Variants in COPG2 observed in about 807,000 individuals in gnomAD.
The protein encoded by COPG2 is coat protein complex I subunit gamma 2.
Under a neutral mutation model 46.3 loss-of-function variants are expected in COPG2, and 37 were observed. The ratio of observed to expected loss-of-function variants is 0.80; its 90% CI spans 0.61 to 1.05. The LOEUF is 1.05. COPG2 is among the 50% of genes least tolerant of loss of function. The pLI, the probability that COPG2 is intolerant of heterozygous loss-of-function variation, is 0.00. For synonymous variants in COPG2, 159 were observed against 129.7 expected (o/e 1.23, Z -1.53); for missense variants, 427 against 387.8 (o/e 1.10, Z -0.85).
At chr7:130,537,057 C>T (rs1233019176) in intron 20 of COPG2, among the ~76,000 whole-genome samples, 1 of 151,908 alleles carries the variant, frequency 6.6e-6, no homozygotes, top group Non-Finnish European at 1.5e-5. Context: ...TCAGGCAGGG[C>T]AGGAGAGTCA....
intron 20 of COPG2, chr7:130,547,199 A>G (rs1308623774): frequency 1.3e-5 from 2 of 152,490 alleles, no homozygotes; most frequent in African/African-American, 4.8e-5. Context: ...CTAGGCTGAG[A>G]CATGCTCTCA....
chr7:130,553,098 G>T (rs1793558699), intron 14 of COPG2, among the ~76,000 whole-genome samples: 1 of 152,188 alleles, frequency 6.6e-6, no homozygotes, highest in Non-Finnish European at 1.5e-5. Flanking sequence ...AAAAAGGCAG[G>T]ATAAGAGTAT....
chr7:130,546,589 T>C (rs1015724874), intron 20 of COPG2, among the ~76,000 whole-genome samples: 3 of 152,152 alleles, frequency 2.0e-5, no homozygotes, highest in Admixed American at 6.5e-5. Context: ...GAGGGAACAA[T>C]CTGGGATTCA....
At position 130,603,548 on chromosome 7, in the gene COPG2, C is replaced by T. The variant is rs573138811; in HGVS notation, c.737+7405G>A. On this transcript the variant is annotated intron_variant, in intron 9 of 23. Transcript: ENST00000425248. ...CAGCCTGGCGAACATGGTCACACTCCGTCTCTACTAAAAATACAAAAAATT... is the reference window on the plus strand; with the variant it reads ...CAGCCTGGCGAACATGGTCACACTCTGTCTCTACTAAAAATACAAAAAATT... Among the ~76,000 whole-genome samples, 109 of 151,764 alleles carry T rather than the reference C, an allele frequency of 7.2e-4. 1 individual carries two copies. The highest frequency in any genetic ancestry group is 1.4e-3 in the Non-Finnish European group (92 of 67,938).
chr7:130,668,591 GT>G, intron 1 of COPG2, 40 bp downstream of exon 1: 1 of 1,491,274 alleles, frequency 6.7e-7, no homozygotes, highest in South Asian at 1.3e-5. Flanking sequence ...GGGAAGGGGC[GT>G]CCCGCGGCTG....
At chr7:130,582,105 G>C (rs1554447265) in intron 9 of COPG2, among the ~76,000 whole-genome samples, 1 of 149,236 alleles carries the variant, frequency 6.7e-6, no homozygotes, top group African/African-American at 2.4e-5. Flanking sequence ...TATACTACAA[G>C]GCTACAGTAA....
chr7:130,658,263 G>T (rs192760629), intron 4 of COPG2, among the ~76,000 whole-genome samples: 1 of 152,224 alleles, frequency 6.6e-6, no homozygotes, highest in Non-Finnish European at 1.5e-5. Flanking sequence ...CATGCATTAT[G>T]CTAAGTAACT....
chr7:130,552,444 T>C lies in COPG2; in HGVS notation c.1469-14A>G, dbSNP rs1584971152. ...CACTCACAGCAGCTATAATGAAGCA[T>C]ACAATTATGGTACATAAATATTGGT... On this transcript the variant is annotated splice_polypyrimidine_tract_variant and intron_variant, in intron 14 of 23. Coordinates refer to ENST00000425248, the MANE Select transcript of COPG2 (RefSeq NM_012133.6). The C allele has an allele frequency of 2.5e-6, 1 of 398,238 alleles. No individual in the cohort carries two copies. Among genetic ancestry groups the C allele is most frequent in the East Asian group, 3.6e-5 (1 of 28,064 alleles). 24.7% of individuals were successfully genotyped at this position (398,238 alleles called of 1,614,324 possible).
chr7:130,658,663 A>C (rs556331034), intron 4 of COPG2, among the ~76,000 whole-genome samples: 2 of 152,322 alleles, frequency 1.3e-5, no homozygotes, highest in Non-Finnish European at 1.5e-5. Flanking sequence ...AGAAACTTAT[A>C]ACTCAGTAAG....
At chr7:130,656,682 A>T (rs1323058271) in intron 4 of COPG2, among the ~76,000 whole-genome samples, 1 of 152,142 alleles carries the variant, frequency 6.6e-6, no homozygotes, top group Non-Finnish European at 1.5e-5. Flanking sequence ...GACTACCAAT[A>T]AACAATACAA....
intron 12 of COPG2, among the ~76,000 whole-genome samples, chr7:130,556,059 C>G (rs1194384464): frequency 1.8e-4 from 28 of 152,050 alleles, no homozygotes; most frequent in Non-Finnish European, 3.7e-4. Flanking sequence ...AGCCCCAATT[C>G]CCAAAGTGCA....
intron 5 of COPG2, among the ~76,000 whole-genome samples, chr7:130,650,554 T>A (rs1207722062): frequency 6.6e-6 from 1 of 152,240 alleles, no homozygotes; most frequent in Non-Finnish European, 1.5e-5. Flanking sequence ...TTCATTTGTT[T>A]GTTTTTTTAC....
intron 20 of COPG2, among the ~76,000 whole-genome samples, chr7:130,545,170 T>TATTTC (rs1221165104): frequency 0.11 from 15,935 of 149,898 alleles, 997 homozygotes; most frequent in East Asian, 0.2. Context: ...ACTTACCTAT[T>TATTTC]ATTTCATTTC....
At chr7:130,591,988 A>G (rs556723466) in intron 9 of COPG2, among the ~76,000 whole-genome samples, 10 of 152,366 alleles carry the variant, frequency 6.6e-5, no homozygotes, top group Admixed American at 5.9e-4. Context: ...AGATTGAGAA[A>G]TCGGATGGTT....
intron 20 of COPG2, among the ~76,000 whole-genome samples, chr7:130,537,119 G>C (rs1285657371): frequency 6.6e-6 from 1 of 152,068 alleles, no homozygotes; most frequent in Non-Finnish European, 1.5e-5. Flanking sequence ...GCAGAAAGTG[G>C]GACACGAATG....
chr7:130,541,102 G>GC (rs1764045638), intron 20 of COPG2, among the ~76,000 whole-genome samples: 1 of 152,152 alleles, frequency 6.6e-6, no homozygotes, highest in Non-Finnish European at 1.5e-5. Flanking sequence ...GCTGATGGAG[G>GC]CATCAGGGTC....
intron 9 of COPG2, 48 bp downstream of exon 9, chr7:130,610,905 T>C: frequency 8.1e-6 from 13 of 1,598,126 alleles, no homozygotes; most frequent in Non-Finnish European, 9.4e-6. Flanking sequence ...CTAAGGTATA[T>C]TAACTTCGCA....
chr7:130,590,713 G>A (rs1317319385), intron 9 of COPG2, among the ~76,000 whole-genome samples: 20 of 151,802 alleles, frequency 1.3e-4, no homozygotes, highest in South Asian at 2.1e-4. Context: ...CTGCCTGGCC[G>A]CCCATCGTCT....
intron 5 of COPG2, among the ~76,000 whole-genome samples, chr7:130,632,167 T>C (rs978333206): frequency 2.0e-5 from 3 of 152,234 alleles, no homozygotes; most frequent in Non-Finnish European, 4.4e-5. Context: ...AAATACCTTT[T>C]AGTTTACCTA....
Sources: gnomAD v4.1 joint callset for allele counts (sites outside exome capture counted in the v4.1 genomes callset) on GRCh38, gnomAD v4.1.1 for gene constraint, MANE v1.5 for transcripts, NCBI Gene and HGNC (gene_info 2026-07-23, HGNC 2026-07-21) for gene names.